NADK2: variants seen among roughly 807,000 people sequenced by gnomAD.
NADK2 encodes NAD kinase 2, mitochondrial.
NADK2 carries 35 observed loss-of-function variants against 62.1 expected under a neutral mutation model. The observed-to-expected ratio is 0.56, with a 90% CI of 0.43 to 0.75. The LOEUF (loss-of-function observed/expected upper bound fraction) is 0.75. Among genes scored for constraint, NADK2 ranks in the 30% least tolerant of loss-of-function variants. NADK2 has a pLI of 0.00. For synonymous variants in NADK2, 205 were observed against 207.9 expected (o/e 0.99, Z 0.12); for missense variants, 439 against 561.3 (o/e 0.78, Z 2.20).
intron 4 of NADK2, among the ~76,000 whole-genome samples, chr5:36,222,059 C>G (rs776069617): frequency 6.6e-6 from 1 of 152,122 alleles, no homozygotes; most frequent in Non-Finnish European, 1.5e-5. Flanking sequence ...AATTAAAATA[C>G]AAGGTCCTAT....
intron 7 of NADK2, among the ~76,000 whole-genome samples, chr5:36,210,549 G>GA (rs140059499): frequency 2.6e-5 from 4 of 151,658 alleles, no homozygotes; most frequent in South Asian, 2.1e-4. Flanking sequence ...AATCTAACAT[G>GA]AAAAAAAATC....
In NADK2 at chr5:36,225,590, A is replaced by G; in HGVS notation, c.512T>C (p.Val171Ala). Residue 171 changes from valine to alanine, a missense_variant, in exon 4 of 12, where the codon GTC (valine) becomes GCC (alanine). By Grantham distance (64) the Val-to-Ala change is moderately conservative. Transcript: ENST00000381937. ...DGTMLLAASK[V>A]LDRLKPVIGV... ...TATAACTGGTTTAAGTCTGTCCAAG[A>G]CTTTACTCGCTGCCAGCAGCATTGT... 2 of 1,613,982 alleles carry G rather than the reference A, an allele frequency of 1.2e-6. No individual in the cohort carries two copies. Among genetic ancestry groups the G allele is most frequent in the Non-Finnish European group, 1.7e-6 (2 of 1,179,908 alleles).
In NADK2 at chr5:36,217,783, T is replaced by C. The variant is rs142335401; in HGVS notation, c.746A>G (p.Asn249Ser). 89 of 1,613,860 alleles carry C rather than the reference T, an allele frequency of 5.5e-5. No individual in the cohort carries two copies. The highest frequency in any genetic ancestry group is 4.2e-4 in the South Asian group (38 of 91,082). Residue 249 changes from asparagine to serine, a missense_variant, in exon 6 of 12, where the codon AAT becomes AGT. By Grantham distance (46) the Asn-to-Ser change is conservative. Coordinates refer to ENST00000381937, the MANE Select transcript of NADK2 (RefSeq NM_001085411.3). The part of the protein sequence containing the change: ...HEQQLSLNQH[N>S]RALNIERAHD... ...AGCTCTTTCAATGTTAAGGGCTCTA[T>C]TGTGCTGATTCAAGCTTAGCTGCTG...
chr5:36,222,687 T>C (rs547498183), intron 4 of NADK2, among the ~76,000 whole-genome samples: 1 of 152,268 alleles, frequency 6.6e-6, no homozygotes, highest in South Asian at 2.1e-4. Context: ...TAAGGCAATG[T>C]GTAAAGGATG....
Position 36,227,525 on chromosome 5 carries a change from C to A in NADK2, c.341G>T (p.Arg114Leu). 6.4e-7 allele frequency: 1 copy of A among 1,557,962 alleles called. No individual in the cohort carries two copies. ...TACATTTTTGGTGTGAATATGATGT[C>A]GTTCAAGAAGTCCACTGTAACTAGA... Reference protein sequence around the residue: ...KGSSYSGLLERHHIHTKNVEH... With the variant: ...KGSSYSGLLELHHIHTKNVEH... Residue 114 changes from arginine (R) to leucine (L), a missense_variant, in exon 2 of 12, where the codon CGA becomes CTA. By Grantham distance (102) the Arg-to-Leu change is moderately radical (BLOSUM62 -2). Coordinates refer to ENST00000381937, the MANE Select transcript of NADK2 (RefSeq NM_001085411.3).
At chr5:36,225,906 C>T (rs1028695576) in intron 3 of NADK2, among the ~76,000 whole-genome samples, 4 of 152,194 alleles carry the variant, frequency 2.6e-5, no homozygotes, top group Admixed American at 6.5e-5. Context: ...TAGCACCCCA[C>T]AGTTAGTAAC....
intron 1 of NADK2, among the ~76,000 whole-genome samples, chr5:36,238,078 A>C (rs576284500): frequency 6.6e-6 from 1 of 152,336 alleles, no homozygotes; most frequent in Non-Finnish European, 1.5e-5. Flanking sequence ...AAGCTCTGGC[A>C]GTACTCCAAA....
intron 6 of NADK2, among the ~76,000 whole-genome samples, chr5:36,214,808 C>G (rs1746982944): frequency 6.6e-6 from 1 of 152,180 alleles, no homozygotes; most frequent in South Asian, 2.1e-4. Context: ...CACTATTTGG[C>G]AGCAGCCTTG....
intron 1 of NADK2, 89 bp from the exon 2 acceptor site, chr5:36,227,654 T>C: frequency 1.6e-6 from 1 of 634,900 alleles, no homozygotes; most frequent in Admixed American, 4.3e-5. Flanking sequence ...CCGTATAAAA[T>C]ATAATTTTTT....
In NADK2 at chr5:36,241,540, A is replaced by AC; in HGVS notation, c.258dup (p.Tyr87ValfsTer21). The stretch of plus-strand genomic sequence containing the variant: ...TCCTCCGAGAGCTCCGCGTAACGGT[A>AC]CCGCTGCTGCTCGAACTCGTACCGG... On this transcript the variant is annotated frameshift_variant, in exon 1 of 12. Coordinates refer to ENST00000381937, the MANE Select transcript of NADK2 (RefSeq NM_001085411.3). LOFTEE classifies it high-confidence loss of function. The surrounding 1 kb of genome is among the most constrained non-coding windows in gnomAD (Gnocchi z 4.9). 1 of 1,568,978 alleles carries AC rather than the reference A, an allele frequency of 6.4e-7. No homozygotes were observed. Among genetic ancestry groups the AC allele is most frequent in the East Asian group, 2.4e-5 (1 of 41,168 alleles).
intron 7 of NADK2, 74 bp downstream of exon 7, chr5:36,211,770 T>C: frequency 8.0e-7 from 1 of 1,243,332 alleles, no homozygotes; most frequent in South Asian, 1.3e-5. Context: ...TTAGCCAGGT[T>C]GTAGAAACTG....
intron 10 of NADK2, among the ~76,000 whole-genome samples, chr5:36,198,201 C>T (rs1161776491): frequency 6.6e-6 from 1 of 151,880 alleles, no homozygotes; most frequent in Non-Finnish European, 1.5e-5. Context: ...TCAAGAGGTA[C>T]AGGAGGGCTG....
At position 36,218,147 on chromosome 5, in the gene NADK2, CA is replaced by C. The variant is rs1438781740; in HGVS notation, c.645-264del. 1.9e-5 allele frequency: 6 copies of C among 311,684 alleles called. No individual in the cohort carries two copies. In the Admixed American group the frequency reaches 2.6e-4, roughly 13 times the overall value. The allele number at this position is 311,684 out of a possible 1,614,324, so 19.3% of individuals were successfully genotyped here. A position where few individuals can be genotyped will look rare whatever the true frequency, so the allele number is the denominator to read the frequency against. On this transcript the variant is annotated intron_variant, in intron 5 of 11. Coordinates refer to ENST00000381937, the MANE Select transcript of NADK2 (RefSeq NM_001085411.3). ...TAACTTAAATTAAGTCAAACTCTAT[CA>C]AGAACCCATAAAGTCCAAGATACTG...
In NADK2 at chr5:36,226,512, C is replaced by T; in HGVS notation, c.441G>A (p.Glu147=). ...RLVKRREYDE[E]TVRWADAVIA... is the part of the protein sequence containing the mutation. ...TGACAGCATCTGCCCATCGAACAGT[C>T]TCTTCATCATATTCTCTCCTCTTTA... The change falls in exon 3 of 12, where the codon GAG becomes GAA. Residue 147 remains glutamate (E), a synonymous_variant. Transcript: ENST00000381937. 5.6e-6 allele frequency: 9 copies of T among 1,613,172 alleles called. No individual in the cohort carries two copies. The highest frequency in any genetic ancestry group is 7.6e-6 in the Non-Finnish European group (9 of 1,179,566).
chr5:36,197,013 A>G (rs1440662446), intron 11 of NADK2, among the ~76,000 whole-genome samples: 1 of 152,036 alleles, frequency 6.6e-6, no homozygotes, highest in African/African-American at 2.4e-5. Context: ...AATTTGGAAA[A>G]TTGGGGAACC....
Position 36,226,534 on chromosome 5 carries a change from T to C in NADK2, c.419A>G (p.Lys140Arg), listed in dbSNP as rs770707042. ...RNEGIEVRLV[K>R]RREYDEETVR... ...AGTCTCTTCATCATATTCTCTCCTC[T>C]TTACTAGACGAACCTCAATTCCCTC... is the stretch of plus-strand genomic sequence containing the variant. Residue 140 changes from lysine to arginine, a missense_variant, in exon 3 of 12, where the codon AAG (lysine) becomes AGG (arginine). Transcript: ENST00000381937. 3.7e-6 allele frequency: 6 copies of C among 1,612,980 alleles called. No homozygotes were observed. The South Asian group carries it at 6.6e-5, about 18-fold the overall frequency.
intron 3 of NADK2, 106 bp downstream of exon 3, chr5:36,226,369 G>A (rs1454407448): frequency 2.6e-6 from 2 of 774,762 alleles, no homozygotes; most frequent in Non-Finnish European, 4.1e-6. Flanking sequence ...TGTGTTTAAT[G>A]GTAAGACTCT....
At chr5:36,237,200 T>A (rs1415667679) in intron 1 of NADK2, among the ~76,000 whole-genome samples, 3 of 152,196 alleles carry the variant, frequency 2.0e-5, no homozygotes, top group African/African-American at 7.2e-5. Flanking sequence ...TTTACATGCA[T>A]ATAAACACAA....
chr5:36,233,462 A>C (rs1747782567), intron 1 of NADK2, among the ~76,000 whole-genome samples: 1 of 152,126 alleles, frequency 6.6e-6, no homozygotes, highest in Non-Finnish European at 1.5e-5. Context: ...TTGGCAAGAG[A>C]CTTACCACCT....
Sources: gnomAD v4.1 joint callset for allele counts (sites outside exome capture counted in the v4.1 genomes callset) on GRCh38, gnomAD v4.1.1 for gene constraint, Gnocchi (gnomAD v3.1) non-coding constraint, MANE v1.5 for transcripts, NCBI Gene and HGNC (gene_info 2026-07-23, HGNC 2026-07-21) for gene names.